The following NMNAT2 variants were observed in gnomAD, a reference collection of about 807,000 sequenced individuals.
The protein encoded by NMNAT2 is nicotinamide nucleotide adenylyltransferase 2.
In NMNAT2, 11 loss-of-function variants were observed where a neutral mutation model predicts 41.6. That is an observed-to-expected ratio of 0.26 (90% CI 0.17 to 0.44). NMNAT2 has a LOEUF of 0.44. NMNAT2 is among the 20% of genes least tolerant of loss of function. NMNAT2 has a pLI of 1.00. For missense variants in NMNAT2, 288 were observed against 407.7 expected, an observed-to-expected ratio of 0.71 and a Z score of 2.53; for synonymous variants, 148 against 151.2, an observed-to-expected ratio of 0.98 and a Z score of 0.16.
At chr1:183,334,528 C>A (rs969114832) in intron 1 of NMNAT2, among the ~76,000 whole-genome samples, 6 of 145,548 alleles carry the variant, frequency 4.1e-5, no homozygotes, top group African/African-American at 1.5e-4. Flanking sequence ...TTTTTTTTTT[C>A]TTTTGAGACA....
chr1:183,297,367 A>G (rs1661728451), intron 1 of NMNAT2, among the ~76,000 whole-genome samples: 1 of 144,902 alleles, frequency 6.9e-6, no homozygotes, highest in Admixed American at 7.4e-5. Context: ...TCTAGAAAGT[A>G]GAAAAGGAAG....
chr1:183,338,123 G>A (rs1021461247), intron 1 of NMNAT2, among the ~76,000 whole-genome samples: 12 of 121,680 alleles, frequency 9.9e-5, no homozygotes, highest in Non-Finnish European at 1.1e-4. Context: ...ACCAGCCCAG[G>A]CAACATAGTG....
In NMNAT2 at chr1:183,392,571, T is replaced by A. The variant is rs142179120; in HGVS notation, c.85+25612A>T. Among the ~76,000 whole-genome samples, 174 of 152,302 alleles carry A rather than the reference T, an allele frequency of 1.1e-3. 1 individual carries two copies. The highest frequency in any genetic ancestry group is 3.7e-3 in the African/African-American group (152 of 41,554). On this transcript the variant is annotated intron_variant, in intron 1 of 10. Coordinates refer to ENST00000287713, the MANE Select transcript of NMNAT2 (RefSeq NM_015039.4). Reference sequence around the variant, plus strand: ...TCCATTGGAGTAAAAGCCCAAGTCCTCACAATGTTACATAAGGCCCTACAC... The same window carrying A: ...TCCATTGGAGTAAAAGCCCAAGTCCACACAATGTTACATAAGGCCCTACAC...
intron 8 of NMNAT2, among the ~76,000 whole-genome samples, chr1:183,265,530 G>T (rs1162406019): frequency 1.3e-5 from 2 of 152,056 alleles, no homozygotes; most frequent in Non-Finnish European, 2.9e-5. Context: ...CTCCCAAAGT[G>T]CTGGGATTAC....
chr1:183,386,833 T>C (rs1648263267), intron 1 of NMNAT2, among the ~76,000 whole-genome samples: 2 of 152,144 alleles, frequency 1.3e-5, no homozygotes, highest in African/African-American at 4.8e-5. Context: ...TCTTACATTA[T>C]ACAAATGGAC....
chr1:183,381,072 G>A (rs1481467045), intron 1 of NMNAT2, among the ~76,000 whole-genome samples: 1 of 152,188 alleles, frequency 6.6e-6, no homozygotes, highest in African/African-American at 2.4e-5. Context: ...ACCATTGTGA[G>A]AATGAGGGAG....
At position 183,290,325 on chromosome 1, in the gene NMNAT2, A is replaced by G; in HGVS notation, c.243-119T>C. On this transcript the variant is annotated intron_variant, in intron 3 of 10. Coordinates refer to ENST00000287713, the MANE Select transcript of NMNAT2 (RefSeq NM_015039.4). Reference sequence around the variant, plus strand: ...AGATCTGGCCATACCATGCGCTTAGATCTTGAATCAGATAAAACCTGGGTG... The same window carrying G: ...AGATCTGGCCATACCATGCGCTTAGGTCTTGAATCAGATAAAACCTGGGTG... 3 of 717,848 alleles carry G rather than the reference A, an allele frequency of 4.2e-6. No individual in the cohort carries two copies. The South Asian group carries it at 5.9e-5, about 14-fold the overall frequency. 44.5% of individuals were successfully genotyped at this position (717,848 alleles called of 1,614,324 possible). A position where few individuals can be genotyped will look rare whatever the true frequency, so the allele number is the denominator to read the frequency against.
intron 1 of NMNAT2, among the ~76,000 whole-genome samples, chr1:183,410,442 A>G (rs1320702682): frequency 2.6e-5 from 4 of 152,238 alleles, no homozygotes; most frequent in Non-Finnish European, 4.4e-5. Flanking sequence ...TAAAATCACA[A>G]TGGCAGCTCC....
intron 1 of NMNAT2, among the ~76,000 whole-genome samples, chr1:183,350,398 G>C (rs1309152836): frequency 1.3e-5 from 2 of 152,110 alleles, no homozygotes; most frequent in Non-Finnish European, 1.5e-5. Flanking sequence ...CTGATAAAGG[G>C]AGAAGGAAAA....
intron 1 of NMNAT2, among the ~76,000 whole-genome samples, chr1:183,395,987 C>A (rs1462841231): frequency 6.6e-6 from 1 of 152,148 alleles, no homozygotes; most frequent in South Asian, 2.1e-4. Flanking sequence ...GCTGTTGACC[C>A]CTTCCTTTTG....
intron 1 of NMNAT2, among the ~76,000 whole-genome samples, chr1:183,324,321 C>T (rs894117463): frequency 6.6e-6 from 1 of 152,112 alleles, no homozygotes; most frequent in African/African-American, 2.4e-5. Flanking sequence ...TGAGAACTGA[C>T]GATGCTTCTT....
At chr1:183,288,322 C>A (rs541843359) in intron 4 of NMNAT2, among the ~76,000 whole-genome samples, 4 of 152,174 alleles carry the variant, frequency 2.6e-5, no homozygotes, top group Admixed American at 2.6e-4. Flanking sequence ...TCTATCTCTG[C>A]GGCAGGTCTA....
intron 1 of NMNAT2, among the ~76,000 whole-genome samples, chr1:183,301,185 G>A (rs1311543327): frequency 6.6e-6 from 1 of 152,224 alleles, no homozygotes; most frequent in Non-Finnish European, 1.5e-5. Context: ...TCTCACCCTA[G>A]TCCCAGGCTT....
At chr1:183,318,565 G>A (rs1182048697) in intron 1 of NMNAT2, among the ~76,000 whole-genome samples, 1 of 152,200 alleles carries the variant, frequency 6.6e-6, no homozygotes, top group Non-Finnish European at 1.5e-5. Flanking sequence ...GAATTTCTGA[G>A]GGCAGAGAGT....
At chr1:183,389,184 A>C (rs1408417072) in intron 1 of NMNAT2, among the ~76,000 whole-genome samples, 1 of 152,152 alleles carries the variant, frequency 6.6e-6, no homozygotes, top group Non-Finnish European at 1.5e-5. Flanking sequence ...CCAGCACTGC[A>C]GGTCCCCAGC....
intron 1 of NMNAT2, among the ~76,000 whole-genome samples, chr1:183,297,122 G>A (rs2102313019): frequency 6.7e-6 from 1 of 149,878 alleles, no homozygotes; most frequent in East Asian, 2.0e-4. Flanking sequence ...CCCACATCTA[G>A]CATGCCTTCC....
At chr1:183,338,678 A>G (rs944006037) in intron 1 of NMNAT2, among the ~76,000 whole-genome samples, 42 of 152,210 alleles carry the variant, frequency 2.8e-4, no homozygotes, top group African/African-American at 9.9e-4. Flanking sequence ...AGTGCACTCT[A>G]TCAGTTTGAA....
chr1:183,291,908 G>A (rs1046918702), intron 3 of NMNAT2, among the ~76,000 whole-genome samples: 7 of 152,168 alleles, frequency 4.6e-5, no homozygotes, highest in African/African-American at 1.7e-4. Flanking sequence ...ACAAATCACT[G>A]CGCACAAATA....
At chr1:183,382,371 CAT>C (rs1322945012) in intron 1 of NMNAT2, among the ~76,000 whole-genome samples, 10 of 152,188 alleles carry the variant, frequency 6.6e-5, no homozygotes, top group Non-Finnish European at 8.8e-5. Context: ...AAATCCAAAC[CAT>C]ATCTTTTCCA....
Sources: allele counts gnomAD v4.1 joint callset (sites outside exome capture counted in the v4.1 genomes callset), GRCh38; gene constraint gnomAD v4.1.1; transcripts MANE v1.5; gene names NCBI Gene and HGNC (gene_info 2026-07-23, HGNC 2026-07-21).